The following WNT7A variants were observed in gnomAD, a reference collection of about 807,000 sequenced individuals.
WNT7A encodes protein Wnt-7a.
WNT7A carries 16 observed loss-of-function variants against 28.2 expected under a neutral mutation model. The ratio of observed to expected loss-of-function variants is 0.57; its 90% CI spans 0.38 to 0.86. The LOEUF is 0.86. Ranked by LOEUF, WNT7A falls within the 40% of genes least tolerant of loss-of-function variation. WNT7A has a pLI of 0.00. For missense variants in WNT7A, 411 were observed against 489.7 expected (o/e 0.84, Z 1.52); for synonymous variants, 190 against 195.9 (o/e 0.97, Z 0.25).
chr3:13,819,519 C>T (rs1290686563), intron 3 of WNT7A, 96 bp from the exon 4 acceptor site: 2 of 1,452,222 alleles, frequency 1.4e-6, no homozygotes, highest in African/African-American at 2.9e-5. Flanking sequence ...CCCTGCCCCA[C>T]CTATCTGGGT....
At chr3:13,820,921 A>G (rs1283386736) in intron 3 of WNT7A, among the ~76,000 whole-genome samples, 1 of 152,196 alleles carries the variant, frequency 6.6e-6, no homozygotes, top group African/African-American at 2.4e-5. Flanking sequence ...TGGTTCCAGA[A>G]CACCTGGCAT....
At chr3:13,831,344 A>T (rs1188892017) in intron 3 of WNT7A, among the ~76,000 whole-genome samples, 1 of 152,216 alleles carries the variant, frequency 6.6e-6, no homozygotes, top group Non-Finnish European at 1.5e-5. Flanking sequence ...CCCATTTCAC[A>T]GATGAGCAGA....
chr3:13,847,430 G>C (rs1345200064), intron 3 of WNT7A, among the ~76,000 whole-genome samples: 1 of 152,190 alleles, frequency 6.6e-6, no homozygotes, highest in African/African-American at 2.4e-5. Context: ...TTGGTGTGTG[G>C]CTTTGGCGGG....
chr3:13,868,318 C>T (rs935583660), intron 2 of WNT7A, among the ~76,000 whole-genome samples: 2 of 151,832 alleles, frequency 1.3e-5, no homozygotes, highest in South Asian at 2.1e-4. Context: ...CAGTGAGACC[C>T]GTCTCTATAA....
At chr3:13,851,569 G>C (rs1030340746) in intron 3 of WNT7A, among the ~76,000 whole-genome samples, 1 of 152,132 alleles carries the variant, frequency 6.6e-6, no homozygotes, top group Non-Finnish European at 1.5e-5. Context: ...TCTGTATCAC[G>C]TTTCTCCTAC....
In WNT7A at chr3:13,819,079, G is replaced by T. The variant is rs749832713; in HGVS notation, c.915C>A (p.Asp305Glu). The T allele has an allele frequency of 1.2e-6, 2 of 1,614,124 alleles. No individual in the cohort carries two copies. The highest frequency in any genetic ancestry group is 3.3e-5 in the Admixed American group (2 of 60,020). ...NKTAPQASGC[D>E]LMCCGRGYNT... ...TGTAGCCACGCCCACAGCACATGAG[G>T]TCACAGCCGCTGGCCTGGGGAGCCG... Residue 305 changes from aspartate to glutamate, a missense_variant, in exon 4 of 4, where the codon GAC becomes GAA. Transcript: ENST00000285018.
At chr3:13,879,624 A>G in intron 1 of WNT7A, 122 bp downstream of exon 1, 1 of 1,126,120 alleles carries the variant, frequency 8.9e-7, no homozygotes, top group South Asian at 1.5e-5. Flanking sequence ...CACCGCACCC[A>G]CCCGGCCTCT....
intron 3 of WNT7A, among the ~76,000 whole-genome samples, chr3:13,832,479 C>A (rs1300640149): frequency 6.6e-6 from 1 of 150,782 alleles, no homozygotes; most frequent in Non-Finnish European, 1.5e-5. Context: ...TCTTCCTCCT[C>A]CTCCCCCTCC....
At chr3:13,873,605 G>A (rs761578057) in intron 2 of WNT7A, among the ~76,000 whole-genome samples, 4 of 152,206 alleles carry the variant, frequency 2.6e-5, no homozygotes, top group South Asian at 2.1e-4. Context: ...GGGGAAGAAA[G>A]CGTTCAGTGG....
intron 2 of WNT7A, among the ~76,000 whole-genome samples, chr3:13,865,516 G>T (rs1694897135): frequency 6.6e-6 from 1 of 152,184 alleles, no homozygotes; most frequent in South Asian, 2.1e-4. Context: ...GAGTGAGGCT[G>T]CCCAGCTAGA....
chr3:13,862,657 G>A (rs1225370882), intron 2 of WNT7A, among the ~76,000 whole-genome samples: 1 of 152,210 alleles, frequency 6.6e-6, no homozygotes, highest in African/African-American at 2.4e-5. Flanking sequence ...AGATTTGGGG[G>A]TGCAGGGAGC....
Position 13,833,350 on chromosome 3 carries a change from C to A in WNT7A, c.571-13927G>T, listed in dbSNP as rs189339280. 1.7e-4 allele frequency among the ~76,000 whole-genome samples: 26 copies of A among 152,334 alleles called. No homozygotes were observed. In the East Asian group the frequency reaches 3.5e-3, roughly 20 times the overall value. On this transcript the variant is annotated intron_variant, in intron 3 of 3. Transcript: ENST00000285018. ...AGCCCTTCACACACAGTCCTGCCCA[C>A]ATACTTCCCGGCACACAAGCGCACA...
intron 2 of WNT7A, among the ~76,000 whole-genome samples, chr3:13,857,306 A>T (rs1401828960): frequency 6.6e-6 from 1 of 152,212 alleles, no homozygotes; most frequent in Non-Finnish European, 1.5e-5. Context: ...AATTAAGCCC[A>T]TGAGGTGTCA....
intron 3 of WNT7A, among the ~76,000 whole-genome samples, chr3:13,851,759 G>C (rs1694641210): frequency 2.0e-5 from 3 of 152,194 alleles, no homozygotes; most frequent in Admixed American, 2.0e-4. Context: ...CAATGCTTCT[G>C]ACTCTTCCCT....
At chr3:13,838,379 C>T (rs1028525899) in intron 3 of WNT7A, among the ~76,000 whole-genome samples, 11 of 152,188 alleles carry the variant, frequency 7.2e-5, no homozygotes, top group Non-Finnish European at 1.2e-4. Context: ...TCTGAAACCA[C>T]GGTGTGCGGA....
At chr3:13,826,479 G>A (rs1373878686) in intron 3 of WNT7A, among the ~76,000 whole-genome samples, 1 of 152,150 alleles carries the variant, frequency 6.6e-6, no homozygotes, top group Non-Finnish European at 1.5e-5. Context: ...ATTTCAGATT[G>A]GGAAACAGAC....
At chr3:13,831,752 T>C (rs1420913177) in intron 3 of WNT7A, among the ~76,000 whole-genome samples, 2 of 152,094 alleles carry the variant, frequency 1.3e-5, no homozygotes, top group Admixed American at 1.3e-4. Flanking sequence ...CCTGCCTCCA[T>C]GGGGCTAACC....
At chr3:13,850,741 G>A (rs958803304) in intron 3 of WNT7A, among the ~76,000 whole-genome samples, 8 of 151,968 alleles carry the variant, frequency 5.3e-5, no homozygotes, top group African/African-American at 1.9e-4. Context: ...GTAAGGACTC[G>A]AAAGCCTGGC....
At chr3:13,850,152 A>T (rs1694605043) in intron 3 of WNT7A, among the ~76,000 whole-genome samples, 1 of 152,218 alleles carries the variant, frequency 6.6e-6, no homozygotes, top group South Asian at 2.1e-4. Flanking sequence ...GGGGCGGGGC[A>T]GGAATGGAGG....
Sources: allele counts gnomAD v4.1 joint callset (sites outside exome capture counted in the v4.1 genomes callset), GRCh38; gene constraint gnomAD v4.1.1; transcripts MANE v1.5; gene names NCBI Gene and HGNC (gene_info 2026-07-23, HGNC 2026-07-21).